The following NCOA2 variants were observed in gnomAD, a reference collection of about 807,000 sequenced individuals.
NCOA2 encodes the protein nuclear receptor coactivator 2, also known as class E basic helix-loop-helix protein 75.
Under a neutral mutation model 145.1 loss-of-function variants are expected in NCOA2, and 21 were observed. That is an observed-to-expected ratio of 0.14 (90% CI 0.10 to 0.21). The LOEUF (loss-of-function observed/expected upper bound fraction) is 0.21. NCOA2 is among the 10% of genes least tolerant of loss of function. NCOA2 has a pLI of 1.00. For synonymous variants in NCOA2, 619 were observed against 637.5 expected, an observed-to-expected ratio of 0.97 and a Z score of 0.44; for missense variants, 1,472 against 1,837.6, an observed-to-expected ratio of 0.80 and a Z score of 3.64.
the NCOA2 span, among the ~76,000 whole-genome samples, chr8:70,456,076 CAAA>C: frequency 9.7e-6 from 1 of 102,622 alleles, no homozygotes; most frequent in Non-Finnish European, 2.1e-5. Flanking sequence ...CATTGCGTAG[CAAA>C]AAAAAAAAAA....
chr8:70,430,628 C>T, the NCOA2 span, among the ~76,000 whole-genome samples: 3 of 152,052 alleles, frequency 2.0e-5, no homozygotes, highest in Admixed American at 6.6e-5. Flanking sequence ...TAGGTTAGTT[C>T]GGCATTACGT....
At chr8:70,151,323 T>A (rs1441547844) in intron 11 of NCOA2, among the ~76,000 whole-genome samples, 1 of 151,992 alleles carries the variant, frequency 6.6e-6, no homozygotes, top group Non-Finnish European at 1.5e-5. Context: ...GGTCTCACTC[T>A]GTCACCCAGG....
chr8:70,267,429 T>TA (rs1380117228), intron 2 of NCOA2, among the ~76,000 whole-genome samples: 7 of 137,854 alleles, frequency 5.1e-5, no homozygotes, highest in Non-Finnish European at 1.1e-4. Context: ...AGATAGGGCC[T>TA]CGCTCTGTCA....
intron 11 of NCOA2, among the ~76,000 whole-genome samples, chr8:70,153,820 G>A (rs762563918): frequency 1.3e-5 from 2 of 152,122 alleles, no homozygotes; most frequent in Non-Finnish European, 2.9e-5. Flanking sequence ...ACAGTGTTAC[G>A]GAACAGCTGC....
At chr8:70,335,978 T>A (rs1807549901) in intron 1 of NCOA2, among the ~76,000 whole-genome samples, 1 of 152,200 alleles carries the variant, frequency 6.6e-6, no homozygotes, top group Non-Finnish European at 1.5e-5. Flanking sequence ...CTGAAACATT[T>A]TTTTTAAGGT....
intron 1 of NCOA2, among the ~76,000 whole-genome samples, chr8:70,369,784 T>C (rs1811043451): frequency 6.6e-6 from 1 of 152,174 alleles, no homozygotes; most frequent in African/African-American, 2.4e-5. Context: ...ATAGTAGATT[T>C]TTCTGTCCCA....
chr8:70,332,315 T>A (rs1175626902), intron 1 of NCOA2, among the ~76,000 whole-genome samples: 1 of 152,204 alleles, frequency 6.6e-6, no homozygotes, highest in Non-Finnish European at 1.5e-5. Flanking sequence ...TTAAAATGGC[T>A]ACATTTGTAA....
the NCOA2 span, among the ~76,000 whole-genome samples, chr8:70,437,502 T>A: frequency 6.6e-6 from 1 of 152,208 alleles, no homozygotes; most frequent in African/African-American, 2.4e-5. Context: ...TGATAAAAAA[T>A]CTGGTTTGAC....
chr8:70,374,026 G>A (rs1031917517), intron 1 of NCOA2, among the ~76,000 whole-genome samples: 4 of 152,088 alleles, frequency 2.6e-5, no homozygotes, highest in Non-Finnish European at 4.4e-5. Context: ...GTTCCAGCCT[G>A]TCAATTTCTA....
At chr8:70,275,060 A>G (rs1825369296) in intron 2 of NCOA2, among the ~76,000 whole-genome samples, 1 of 152,236 alleles carries the variant, frequency 6.6e-6, no homozygotes, top group Admixed American at 6.5e-5. Context: ...TACCTAATCA[A>G]AAGGCATCTT....
intron 4 of NCOA2, among the ~76,000 whole-genome samples, chr8:70,184,789 AGCTT>A (rs1189742257): frequency 6.6e-6 from 1 of 152,150 alleles, no homozygotes; most frequent in Non-Finnish European, 1.5e-5. Context: ...ATTTCTATGA[AGCTT>A]GCAAGGCTTC....
chr8:70,242,056 ATGTT>A (rs1474262567), intron 2 of NCOA2, among the ~76,000 whole-genome samples: 2 of 152,162 alleles, frequency 1.3e-5, no homozygotes, highest in African/African-American at 2.4e-5. Context: ...TTTCAATACT[ATGTT>A]TATTTATCAT....
chr8:70,273,082 T>C (rs1364529031), intron 2 of NCOA2, among the ~76,000 whole-genome samples: 1 of 152,226 alleles, frequency 6.6e-6, no homozygotes, highest in Non-Finnish European at 1.5e-5. Flanking sequence ...TGTATATAAA[T>C]CTGCCAAAAT....
chr8:70,282,587 C>G (rs1419901478), intron 2 of NCOA2, among the ~76,000 whole-genome samples: 1 of 151,586 alleles, frequency 6.6e-6, no homozygotes, highest in African/African-American at 2.4e-5. Context: ...ACTCGGGAGG[C>G]TGAGGCAGGA....
At chr8:70,151,961 A>C (rs1376856283) in intron 11 of NCOA2, among the ~76,000 whole-genome samples, 1 of 152,178 alleles carries the variant, frequency 6.6e-6, no homozygotes, top group African/African-American at 2.4e-5. Flanking sequence ...TCTGTTAAAA[A>C]ATTTTCTCCC....
intron 22 of NCOA2, among the ~76,000 whole-genome samples, chr8:70,115,434 G>C (rs1585693371): frequency 6.6e-6 from 1 of 152,210 alleles, no homozygotes; most frequent in East Asian, 1.9e-4. Context: ...ATGCTGCCTG[G>C]GGTGTACCCT....
At position 70,309,284 on chromosome 8, in the gene NCOA2, T is replaced by C. The variant is rs554918508; in HGVS notation, c.-76-12484A>G. ...TCCTAACCCACAGAATTATGAGCTA[T>C]ATTAATAATAAATTATTGTTTTAAA... On this transcript the variant is annotated intron_variant, in intron 1 of 22. Transcript: ENST00000452400. 2.6e-5 allele frequency among the ~76,000 whole-genome samples: 4 copies of C among 151,942 alleles called. No individual in the cohort carries two copies. The East Asian group carries it at 7.7e-4, about 29-fold the overall frequency.
chr8:70,428,270 T>C, the NCOA2 span, among the ~76,000 whole-genome samples: 5 of 149,620 alleles, frequency 3.3e-5, no homozygotes, highest in East Asian at 2.0e-4. Flanking sequence ...CCAGGAAACA[T>C]AGGGAGAACC....
chr8:70,336,304 A>G (rs1807582479), intron 1 of NCOA2, among the ~76,000 whole-genome samples: 2 of 152,142 alleles, frequency 1.3e-5, no homozygotes, highest in African/African-American at 2.4e-5. Flanking sequence ...CGCTGACTGA[A>G]AAATCATTAT....
Sources: gnomAD v4.1 joint callset for allele counts (sites outside exome capture counted in the v4.1 genomes callset) on GRCh38, gnomAD v4.1.1 for gene constraint, MANE v1.5 for transcripts, NCBI Gene and HGNC (gene_info 2026-07-23, HGNC 2026-07-21) for gene names.